The following FGF14 variants were observed in gnomAD, a reference collection of about 807,000 sequenced individuals.
The protein encoded by FGF14 is fibroblast growth factor homologous factor 4.
In FGF14, 5 loss-of-function variants were observed where a neutral mutation model predicts 25.5. The observed-to-expected ratio is 0.20, with a 90% CI of 0.10 to 0.41. The LOEUF is 0.41. Among genes scored for constraint, FGF14 ranks in the 10% least tolerant of loss-of-function variants. FGF14 has a pLI of 1.00. For missense variants in FGF14, 222 were observed against 320.1 expected (o/e 0.69, Z 2.34); for synonymous variants, 138 against 118.3 (o/e 1.17, Z -1.08).
At chr13:102,144,603 G>C (rs867370343) in intron 1 of FGF14, among the ~76,000 whole-genome samples, 16 of 152,062 alleles carry the variant, frequency 1.1e-4, no homozygotes, top group Admixed American at 2.0e-4. Flanking sequence ...AATAATTATA[G>C]TCCTTCTGTC....
At chr13:101,945,727 A>G (rs1395295526) in intron 1 of FGF14, among the ~76,000 whole-genome samples, 1 of 152,188 alleles carries the variant, frequency 6.6e-6, no homozygotes, top group Non-Finnish European at 1.5e-5. Flanking sequence ...CTGCATTAGC[A>G]GTGGGTATTC....
chr13:102,046,758 C>A (rs762333702), intron 1 of FGF14, among the ~76,000 whole-genome samples: 1 of 152,146 alleles, frequency 6.6e-6, no homozygotes, highest in Non-Finnish European at 1.5e-5. Context: ...GCCCTAACAT[C>A]TTTTCTACCA....
chr13:102,116,114 T>C lies in FGF14; in HGVS notation c.209-240818A>G, dbSNP rs751041677. 4.6e-5 allele frequency among the ~76,000 whole-genome samples: 7 copies of C among 152,012 alleles called. No homozygotes were observed. The South Asian group carries it at 1.0e-3, about 23-fold the overall frequency. ...AACAAGAGCGAAATTCCATCTCAAATAAACAAACAAACAAACAAACAGAAT... is the reference window on the plus strand; with the variant it reads ...AACAAGAGCGAAATTCCATCTCAAACAAACAAACAAACAAACAAACAGAAT... On this transcript the variant is annotated intron_variant, in intron 1 of 4. Coordinates refer to the FGF14 transcript ENST00000376131.
intron 3 of FGF14, among the ~76,000 whole-genome samples, chr13:101,746,537 T>A (rs1281666148): frequency 2.6e-5 from 4 of 151,948 alleles, no homozygotes; most frequent in Non-Finnish European, 2.9e-5. Flanking sequence ...TCCTAGAGAG[T>A]GCAGTTAAGA....
At chr13:102,362,844 G>A (rs1388930933) in intron 1 of FGF14, among the ~76,000 whole-genome samples, 1 of 151,986 alleles carries the variant, frequency 6.6e-6, no homozygotes, top group Non-Finnish European at 1.5e-5. Flanking sequence ...ATTTTGCAGG[G>A]TAAAATTTTC....
chr13:102,224,696 G>C (rs1318343966), intron 1 of FGF14, among the ~76,000 whole-genome samples: 8 of 152,106 alleles, frequency 5.3e-5, no homozygotes. Context: ...TCATGTCTCT[G>C]AGCCTAAAGA....
intron 1 of FGF14, among the ~76,000 whole-genome samples, chr13:102,061,216 T>A (rs1008225333): frequency 6.6e-6 from 1 of 152,210 alleles, no homozygotes; most frequent in African/African-American, 2.4e-5. Context: ...AAGCCCTCTG[T>A]CCTTGCTTTA....
chr13:101,874,216 TAAAATA>T (rs1407788617), intron 2 of FGF14, among the ~76,000 whole-genome samples: 1 of 151,978 alleles, frequency 6.6e-6, no homozygotes, highest in African/African-American at 2.4e-5. Flanking sequence ...TAAAAATAAA[TAAAATA>T]AAAATAAAAA....
At chr13:102,262,847 C>T (rs560294771) in intron 1 of FGF14, among the ~76,000 whole-genome samples, 8 of 152,188 alleles carry the variant, frequency 5.3e-5, no homozygotes, top group South Asian at 2.1e-4. Context: ...TTTAAGTGAA[C>T]GAAAGGTCTC....
intron 1 of FGF14, among the ~76,000 whole-genome samples, chr13:102,305,431 C>T (rs985235366): frequency 6.6e-5 from 10 of 151,998 alleles, no homozygotes; most frequent in African/African-American, 2.2e-4. Flanking sequence ...GGATTGCCTA[C>T]GATAGAAACA....
chr13:102,023,677 A>T (rs114329096), intron 1 of FGF14, among the ~76,000 whole-genome samples: 61 of 152,212 alleles, frequency 4.0e-4, no homozygotes, highest in African/African-American at 1.3e-3. Flanking sequence ...GGCAATTCAT[A>T]TCAATGGAAT....
In FGF14 at chr13:101,722,544, C is replaced by G. The variant is rs1254473905; in HGVS notation, c.*287G>C. 1.3e-5 allele frequency: 6 copies of G among 458,476 alleles called. No individual in the cohort carries two copies. The East Asian group carries it at 2.6e-4, about 20-fold the overall frequency. The allele number at this position is 458,476 out of a possible 1,614,324, so 28.4% of individuals were successfully genotyped here. ...TATCGAGTGTACTTGTGAAGTATGT[C>G]ATTCACATGAAGTGTCACAGTCACA... On this transcript the variant is annotated 3_prime_UTR_variant, in exon 5 of 5. Coordinates refer to ENST00000376143, the MANE Select transcript of FGF14 (RefSeq NM_004115.4).
At chr13:102,275,258 CTCTT>C (rs764745155) in intron 1 of FGF14, among the ~76,000 whole-genome samples, 9,021 of 67,934 alleles carry the variant, frequency 0.13, 814 homozygotes, top group East Asian at 0.25. Context: ...CTCTCTCTCT[CTCTT>C]TCTCTCTCTC....
chr13:101,926,013 T>TC (rs2034336941), intron 1 of FGF14, among the ~76,000 whole-genome samples: 1 of 152,166 alleles, frequency 6.6e-6, no homozygotes, highest in Admixed American at 6.5e-5. Flanking sequence ...CCTGCCTCCC[T>TC]CTTCAAGATC....
At chr13:102,059,483 T>C (rs958389874) in intron 1 of FGF14, among the ~76,000 whole-genome samples, 1 of 152,130 alleles carries the variant, frequency 6.6e-6, no homozygotes, top group African/African-American at 2.4e-5. Context: ...CACTCAAAAA[T>C]AGGCAAGGAC....
At chr13:102,368,985 G>C (rs1023178383) in intron 1 of FGF14, among the ~76,000 whole-genome samples, 2 of 152,170 alleles carry the variant, frequency 1.3e-5, no homozygotes, top group Non-Finnish European at 2.9e-5. Context: ...TGTTTCACAG[G>C]ACTTGCTCCA....
At chr13:101,816,269 C>CGAAAAAAAA (rs2041844334) in intron 3 of FGF14, among the ~76,000 whole-genome samples, 1 of 89,050 alleles carries the variant, frequency 1.1e-5, no homozygotes, top group African/African-American at 5.0e-5. Context: ...GACTCCGTCT[C>CGAAAAAAAA]AAAAAAAAAA....
chr13:101,787,674 G>A (rs1478218595), intron 3 of FGF14, among the ~76,000 whole-genome samples: 1 of 152,084 alleles, frequency 6.6e-6, no homozygotes, highest in African/African-American at 2.4e-5. Flanking sequence ...CTTCTTTTCT[G>A]TCCTCCTACC....
At chr13:102,071,537 G>C (rs9518619) in intron 1 of FGF14, among the ~76,000 whole-genome samples, 1 of 151,966 alleles carries the variant, frequency 6.6e-6, no homozygotes, top group Non-Finnish European at 1.5e-5. Flanking sequence ...TTAAATAACA[G>C]AGCAAAAATC....
Sources: allele counts gnomAD v4.1 joint callset (sites outside exome capture counted in the v4.1 genomes callset), GRCh38; gene constraint gnomAD v4.1.1; transcripts MANE v1.5; gene names NCBI Gene and HGNC (gene_info 2026-07-23, HGNC 2026-07-21).